Variants in SLC25A21 observed in about 807,000 individuals in gnomAD.
The protein encoded by SLC25A21 is mitochondrial 2-oxodicarboxylate carrier.
SLC25A21 carries 47 observed loss-of-function variants against 43.8 expected under a neutral mutation model. The observed-to-expected ratio is 1.07, with a 90% CI of 0.85 to 1.37. The LOEUF is 1.37. Among genes scored for constraint, SLC25A21 ranks in the 40% most tolerant of loss-of-function variants. SLC25A21 has a pLI of 0.00. For synonymous variants in SLC25A21, 131 were observed against 121.3 expected (o/e 1.08, Z -0.52); for missense variants, 352 against 350.2 (o/e 1.00, Z -0.04).
intron 1 of SLC25A21, among the ~76,000 whole-genome samples, chr14:37,029,691 A>AC (rs1488170877): frequency 2.1e-5 from 3 of 143,468 alleles, no homozygotes; most frequent in Non-Finnish European, 3.0e-5. Flanking sequence ...GGGCACCAAC[A>AC]CCCCCACACA....
intron 7 of SLC25A21, among the ~76,000 whole-genome samples, chr14:36,700,662 T>G (rs560693998): frequency 6.6e-6 from 1 of 152,292 alleles, no homozygotes; most frequent in South Asian, 2.1e-4. Flanking sequence ...TTTGAAGACT[T>G]GTTCAAAATA....
intron 2 of SLC25A21, among the ~76,000 whole-genome samples, chr14:36,860,730 C>T (rs768554375): frequency 5.3e-5 from 8 of 152,250 alleles, no homozygotes; most frequent in Non-Finnish European, 1.2e-4. Flanking sequence ...AACACAAATA[C>T]AGAGACAAGA....
chr14:37,127,047 C>T (rs1963309491), intron 1 of SLC25A21, among the ~76,000 whole-genome samples: 1 of 152,042 alleles, frequency 6.6e-6, no homozygotes, highest in African/African-American at 2.4e-5. Context: ...CCATCCCCAG[C>T]CTGGTTCTGA....
intron 1 of SLC25A21, among the ~76,000 whole-genome samples, chr14:37,102,888 G>A (rs1962843246): frequency 6.6e-6 from 1 of 151,928 alleles, no homozygotes; most frequent in East Asian, 1.9e-4. Context: ...GGGAGGCTGA[G>A]GCAGGAGAAT....
Position 37,128,538 on chromosome 14 carries a change from C to CTGTGTGTGTGTGTG in SLC25A21, c.70+43729_70+43742dup, listed in dbSNP as rs367948974. ...ACTTTCTGTCTCTCTCTCTCTCTCT[C>CTGTGTGTGTGTGTG]TGTGTGTGTGTGTGTGTGTGTGTGT... On this transcript the variant is annotated intron_variant, in intron 1 of 9. Coordinates refer to ENST00000331299, the MANE Select transcript of SLC25A21 (RefSeq NM_030631.4). Among the ~76,000 whole-genome samples, 905 of 122,758 alleles carry CTGTGTGTGTGTGTG rather than the reference C, an allele frequency of 7.4e-3. 18 individuals carry two copies. Among genetic ancestry groups the CTGTGTGTGTGTGTG allele is most frequent in the Non-Finnish European group, 0.011 (667 of 60,998 alleles). The allele number at this position is 122,758 out of a possible 152,430, so 80.5% of individuals were successfully genotyped here. A position where few individuals can be genotyped will look rare whatever the true frequency, so the allele number is the denominator to read the frequency against.
chr14:37,129,260 C>A (rs1293032896), intron 1 of SLC25A21, among the ~76,000 whole-genome samples: 6 of 152,166 alleles, frequency 3.9e-5, no homozygotes, highest in Non-Finnish European at 8.8e-5. Context: ...ATATCACTTT[C>A]TTTGATTTAC....
At chr14:36,747,837 C>T (rs1293870864) in intron 3 of SLC25A21, among the ~76,000 whole-genome samples, 6 of 152,070 alleles carry the variant, frequency 3.9e-5, no homozygotes, top group East Asian at 3.9e-4. Flanking sequence ...GCTTTGGACC[C>T]GCGCATTTTG....
At chr14:36,690,105 C>T (rs9322964) in intron 7 of SLC25A21, among the ~76,000 whole-genome samples, 22,308 of 152,130 alleles carry the variant, frequency 0.15, 2,267 homozygotes, top group East Asian at 0.28. Context: ...TGATACCTAT[C>T]TCATAGTTTG....
intron 3 of SLC25A21, among the ~76,000 whole-genome samples, chr14:36,742,800 C>T (rs551482609): frequency 1.3e-5 from 2 of 152,288 alleles, no homozygotes; most frequent in East Asian, 1.9e-4. Context: ...TTTCATTATT[C>T]ATTACTGAGA....
At chr14:37,019,294 G>C (rs1960932761) in intron 1 of SLC25A21, among the ~76,000 whole-genome samples, 1 of 151,708 alleles carries the variant, frequency 6.6e-6, no homozygotes, top group African/African-American at 2.4e-5. Context: ...TTCTCTGCTT[G>C]AAATACTTTG....
At chr14:37,129,666 A>C (rs953829053) in intron 1 of SLC25A21, among the ~76,000 whole-genome samples, 1 of 148,492 alleles carries the variant, frequency 6.7e-6, no homozygotes, top group Non-Finnish European at 1.5e-5. Flanking sequence ...CCATTAAGTA[A>C]CAGTTATTAA....
intron 3 of SLC25A21, among the ~76,000 whole-genome samples, chr14:36,781,831 G>T (rs60166970): frequency 0.46 from 70,383 of 151,876 alleles, 17,308 homozygotes; most frequent in East Asian, 0.69. Context: ...CCTTTAGCAG[G>T]GAGTCTTATA....
At chr14:36,775,399 C>T (rs1344783587) in intron 3 of SLC25A21, among the ~76,000 whole-genome samples, 1 of 152,150 alleles carries the variant, frequency 6.6e-6, no homozygotes, top group African/African-American at 2.4e-5. Context: ...AAAATCGTTT[C>T]CCAGCTAATT....
chr14:36,958,154 T>C (rs1959391449), intron 1 of SLC25A21, among the ~76,000 whole-genome samples: 1 of 151,226 alleles, frequency 6.6e-6, no homozygotes, highest in African/African-American at 2.5e-5. Flanking sequence ...GGTGTTTGCC[T>C]AGACAACCAA....
chr14:36,979,289 CTG>C (rs1258145398), intron 1 of SLC25A21, among the ~76,000 whole-genome samples: 1 of 149,774 alleles, frequency 6.7e-6, no homozygotes, highest in African/African-American at 2.5e-5. Flanking sequence ...ATATGGAAGA[CTG>C]TGAGATAATC....
At chr14:36,770,485 G>C (rs1594572262) in intron 3 of SLC25A21, among the ~76,000 whole-genome samples, 1 of 152,064 alleles carries the variant, frequency 6.6e-6, no homozygotes. Context: ...TACATGTACA[G>C]TAACAAGCCT....
intron 3 of SLC25A21, among the ~76,000 whole-genome samples, chr14:36,771,205 C>T (rs1886605743): frequency 1.3e-5 from 2 of 152,134 alleles, no homozygotes; most frequent in Admixed American, 1.3e-4. Flanking sequence ...GAATTATTGC[C>T]TAATATTTCC....
At chr14:37,005,845 G>A (rs1378729998) in intron 1 of SLC25A21, among the ~76,000 whole-genome samples, 3 of 152,120 alleles carry the variant, frequency 2.0e-5, no homozygotes, top group African/African-American at 7.2e-5. Context: ...AAAGTATATG[G>A]CCATTGTATC....
At chr14:37,019,515 G>A (rs1044848710) in intron 1 of SLC25A21, among the ~76,000 whole-genome samples, 3 of 151,720 alleles carry the variant, frequency 2.0e-5, no homozygotes, top group African/African-American at 7.3e-5. Context: ...AATAATAAAG[G>A]CATTGGTAGT....
Sources: allele counts gnomAD v4.1 joint callset (sites outside exome capture counted in the v4.1 genomes callset), GRCh38; gene constraint gnomAD v4.1.1; transcripts MANE v1.5; gene names NCBI Gene and HGNC (gene_info 2026-07-23, HGNC 2026-07-21).